NID1: variants seen among roughly 807,000 people sequenced by gnomAD.
NID1 encodes nidogen 1.
Under a neutral mutation model 130.6 loss-of-function variants are expected in NID1, and 76 were observed. That is an observed-to-expected ratio of 0.58 (90% CI 0.48 to 0.70). The LOEUF is 0.70. Ranked by LOEUF, NID1 falls within the 30% of genes least tolerant of loss-of-function variation. NID1 has a pLI of 0.00. For synonymous variants in NID1, 665 were observed against 675.1 expected, an observed-to-expected ratio of 0.98 and a Z score of 0.23; for missense variants, 1,517 against 1,664.8, an observed-to-expected ratio of 0.91 and a Z score of 1.54.
Position 236,006,324 on chromosome 1 carries a change from G to T in NID1, c.2527+5597C>A, listed in dbSNP as rs61833487. ...TGGGTCTAGGCAGTAATCATCAATAGCTCCTAACATCACAAAAAGTGAGAC... is the reference window on the plus strand; with the variant it reads ...TGGGTCTAGGCAGTAATCATCAATATCTCCTAACATCACAAAAAGTGAGAC... On this transcript the variant is annotated intron_variant, in intron 12 of 19. Transcript: ENST00000264187. Among the ~76,000 whole-genome samples, 5 of 152,094 alleles carry T rather than the reference G, an allele frequency of 3.3e-5. 1 individual carries two copies. Among genetic ancestry groups the T allele is most frequent in the East Asian group, 1.9e-4 (1 of 5,186 alleles).
intron 12 of NID1, among the ~76,000 whole-genome samples, chr1:236,007,548 G>A (rs1658285917): frequency 6.6e-6 from 1 of 152,158 alleles, no homozygotes; most frequent in South Asian, 2.1e-4. Context: ...GTTTATAAAA[G>A]ACTGTGGCTT....
In NID1 at chr1:236,042,208, C is replaced by T. The variant is rs762070265; in HGVS notation, c.837G>A (p.Val279=). The stretch of plus-strand genomic sequence containing the variant: ...CTGCCCCATCTTCAGTTCCGAGGAT[C>T]ACGTCTGCAGGCACCACGCCATTGG... ...ATTNGVVPAD[V]ILGTEDGAEY... The change falls in exon 4 of 20, where the codon GTG becomes GTA. Residue 279 remains valine, a synonymous_variant. Transcript: ENST00000264187. The T allele has an allele frequency of 4.3e-6, 7 of 1,613,192 alleles. No homozygotes were observed. Among genetic ancestry groups the T allele is most frequent in the Non-Finnish European group, 5.1e-6 (6 of 1,180,032 alleles).
intron 12 of NID1, among the ~76,000 whole-genome samples, chr1:235,997,108 A>G (rs1476008645): frequency 6.6e-6 from 1 of 152,202 alleles, no homozygotes; most frequent in African/African-American, 2.4e-5. Flanking sequence ...TGCTGGGACT[A>G]TAGGCATGAG....
intron 12 of NID1, among the ~76,000 whole-genome samples, chr1:236,007,777 C>G (rs1658291873): frequency 6.6e-6 from 1 of 152,222 alleles, no homozygotes; most frequent in Non-Finnish European, 1.5e-5. Context: ...GCAGCAACCT[C>G]ATGAGAGTCC....
chr1:236,011,406 G>A (rs1212865857), intron 12 of NID1, among the ~76,000 whole-genome samples: 2 of 149,810 alleles, frequency 1.3e-5, no homozygotes, highest in Admixed American at 1.3e-4. Context: ...AGGTTCAAGT[G>A]ATTCTCATGC....
Position 236,003,107 on chromosome 1 carries a change from GGTAGTTGTCACTCCTAGTGAACGAC to G in NID1, c.2527+8789_2527+8813del, listed in dbSNP as rs1558428630. On this transcript the variant is annotated intron_variant, in intron 12 of 19. Coordinates refer to ENST00000264187, the MANE Select transcript of NID1 (RefSeq NM_002508.3). ...TAGTTGTCACTCCTAGTGAACGACTGGTAGTTGTCACTCCTAGTGAACGACTGGTAGTTGTCACTCCTAGTGAACG... is the reference window on the plus strand; with the variant it reads ...TAGTTGTCACTCCTAGTGAACGACTGTGGTAGTTGTCACTCCTAGTGAACG... Among the ~76,000 whole-genome samples, 601 of 128,046 alleles carry G rather than the reference GGTAGTTGTCACTCCTAGTGAACGAC, an allele frequency of 4.7e-3. 39 individuals carry two copies. Among genetic ancestry groups the G allele is most frequent in the South Asian group, 0.018 (77 of 4,380 alleles). 84.0% of individuals were successfully genotyped at this position (128,046 alleles called of 152,430 possible). A position where few individuals can be genotyped will look rare whatever the true frequency, so the allele number is the denominator to read the frequency against.
chr1:236,055,630 G>A (rs932433561), intron 1 of NID1, among the ~76,000 whole-genome samples: 3 of 151,642 alleles, frequency 2.0e-5, no homozygotes, highest in African/African-American at 7.3e-5. Flanking sequence ...ACTCCAGCCT[G>A]GGTAACAGAG....
At chr1:236,024,841 G>T (rs1317868158) in intron 8 of NID1, among the ~76,000 whole-genome samples, 1 of 152,132 alleles carries the variant, frequency 6.6e-6, no homozygotes, top group African/African-American at 2.4e-5. Flanking sequence ...AGCTGGGAAC[G>T]CCCACAGACC....
chr1:236,037,428 C>T (rs1415712516), intron 5 of NID1, among the ~76,000 whole-genome samples: 2 of 152,136 alleles, frequency 1.3e-5, no homozygotes, highest in East Asian at 3.9e-4. Flanking sequence ...GAGGCCGAGG[C>T]AGGCAGATTA....
intron 4 of NID1, 21 bp from the exon 5 acceptor site, chr1:236,038,274 C>T (rs1280581920): frequency 6.2e-7 from 1 of 1,609,530 alleles, no homozygotes; most frequent in Non-Finnish European, 8.5e-7. Flanking sequence ...AAAACAATTG[C>T]ACACCTGTAA....
At chr1:236,027,198 C>CA (rs1658961018) in intron 7 of NID1, among the ~76,000 whole-genome samples, 1 of 152,110 alleles carries the variant, frequency 6.6e-6, no homozygotes. Context: ...CCTCCCCACT[C>CA]AGAAGAGGGC....
chr1:236,060,459 T>C (rs928845461), intron 1 of NID1, among the ~76,000 whole-genome samples: 1 of 152,168 alleles, frequency 6.6e-6, no homozygotes, highest in Non-Finnish European at 1.5e-5. Context: ...GCCTTAACCA[T>C]CAGGGAATGC....
intron 1 of NID1, among the ~76,000 whole-genome samples, chr1:236,051,634 C>A (rs1057275946): frequency 6.6e-6 from 1 of 152,198 alleles, no homozygotes; most frequent in African/African-American, 2.4e-5. Context: ...CTTCTTCCAG[C>A]CGGTCCCTCT....
intron 4 of NID1, among the ~76,000 whole-genome samples, chr1:236,039,501 G>C (rs976976038): frequency 6.6e-6 from 1 of 151,970 alleles, no homozygotes; most frequent in African/African-American, 2.4e-5. Context: ...TCACACCTGG[G>C]CTAAAAAGCC....
At chr1:236,002,184 G>T (rs1008702026) in intron 12 of NID1, among the ~76,000 whole-genome samples, 3 of 152,140 alleles carry the variant, frequency 2.0e-5, no homozygotes, top group African/African-American at 7.2e-5. Context: ...CACCTGCCTT[G>T]GTCAAGGGCT....
chr1:235,999,478 G>T (rs1479067190), intron 12 of NID1, among the ~76,000 whole-genome samples: 2 of 152,084 alleles, frequency 1.3e-5, no homozygotes, highest in Non-Finnish European at 2.9e-5. Flanking sequence ...GGGCTCTAGG[G>T]AGAGTCCCCT....
intron 12 of NID1, among the ~76,000 whole-genome samples, chr1:236,003,211 G>A (rs61833486): frequency 3.7e-5 from 4 of 107,262 alleles, no homozygotes; most frequent in African/African-American, 1.2e-4. Context: ...CCTAGTGAAC[G>A]ACCGGTAGTT....
intron 1 of NID1, among the ~76,000 whole-genome samples, chr1:236,061,068 T>C (rs1277736168): frequency 6.6e-6 from 1 of 152,328 alleles, no homozygotes; most frequent in African/African-American, 2.4e-5. Context: ...CCAAAAGTCA[T>C]GGTTGATGAG....
intron 1 of NID1, among the ~76,000 whole-genome samples, chr1:236,060,358 G>A (rs1660006517): frequency 6.6e-6 from 1 of 152,078 alleles, no homozygotes. Flanking sequence ...GATAGGTTTG[G>A]CCGGCTTCTT....
Sources: allele counts gnomAD v4.1 joint callset (sites outside exome capture counted in the v4.1 genomes callset), GRCh38; gene constraint gnomAD v4.1.1; transcripts MANE v1.5; gene names NCBI Gene and HGNC (gene_info 2026-07-23, HGNC 2026-07-21).